DAB1: variants seen among roughly 807,000 people sequenced by gnomAD.
DAB1 encodes DAB adaptor protein 1, also known as disabled homolog 1.
DAB1 carries 15 observed loss-of-function variants against 64.6 expected under a neutral mutation model. The ratio of observed to expected loss-of-function variants is 0.23; its 90% confidence interval spans 0.16 to 0.36. The LOEUF (loss-of-function observed/expected upper bound fraction) is 0.36, where lower values mean the gene tolerates loss of function less well. Ranked by LOEUF, DAB1 falls within the 10% of genes least tolerant of loss-of-function variation. The pLI is 1.00. For synonymous variants in DAB1, 235 were observed against 251.9 expected, an observed-to-expected ratio of 0.93 and a Z score of 0.64; for missense variants, 596 against 706.7, an observed-to-expected ratio of 0.84 and a Z score of 1.78.
intron 1 of DAB1, chr1:57,867,398 C>T (rs1281489271): frequency 6.6e-6 from 1 of 152,170 alleles, no homozygotes; most frequent in Non-Finnish European, 1.5e-5. Flanking sequence ...CACTTGCCAG[C>T]CTCTGCCTGG....
chr1:57,417,039 T>C (rs1470242024), intron 1 of DAB1, among the ~76,000 whole-genome samples: 1 of 152,116 alleles, frequency 6.6e-6, no homozygotes, highest in African/African-American at 2.4e-5. Flanking sequence ...GAGAATTCAG[T>C]GGAATTGTTT....
Position 57,039,204 on chromosome 1 carries a change from C to A in DAB1, c.724-13161G>T, listed in dbSNP as rs114640979. On this transcript the variant is annotated intron_variant, in intron 9 of 14. Coordinates refer to ENST00000371236, the MANE Select transcript of DAB1 (RefSeq NM_001365792.1). ...TTATCATTTAAGCCTCAGTTTCCCC[C>A]ACTGCAAAAGAGGGATAACAATGCT... 4.2e-3 allele frequency among the ~76,000 whole-genome samples: 633 copies of A among 152,232 alleles called. 3 individuals are homozygous for A. Among genetic ancestry groups the A allele is most frequent in the African/African-American group, 0.015 (606 of 41,530 alleles).
intron 7 of DAB1, among the ~76,000 whole-genome samples, chr1:57,558,295 A>T (rs1645013601): frequency 6.6e-6 from 1 of 152,208 alleles, no homozygotes; most frequent in African/African-American, 2.4e-5. Context: ...CTGAGGCAAC[A>T]GTGATTACCT....
chr1:57,282,988 CA>C (rs1289823025), intron 2 of DAB1, among the ~76,000 whole-genome samples: 2 of 152,190 alleles, frequency 1.3e-5, no homozygotes, highest in Non-Finnish European at 2.9e-5. Flanking sequence ...CATCAAGCCA[CA>C]GGGCAAACCC....
chr1:57,646,420 C>A (rs1302871735), intron 7 of DAB1, among the ~76,000 whole-genome samples: 1 of 152,148 alleles, frequency 6.6e-6, no homozygotes, highest in Admixed American at 6.5e-5. Flanking sequence ...GCATGAAAGC[C>A]TTTGAAAGTC....
chr1:58,201,570 T>C (rs1213076716), intron 4 of DAB1, among the ~76,000 whole-genome samples: 1 of 152,186 alleles, frequency 6.6e-6, no homozygotes, highest in Non-Finnish European at 1.5e-5. Flanking sequence ...GGACCCCAAG[T>C]CTCAGGGTTT....
chr1:58,126,197 C>A (rs1653068216), intron 5 of DAB1, among the ~76,000 whole-genome samples: 1 of 152,178 alleles, frequency 6.6e-6, no homozygotes. Context: ...GGCATGGCTG[C>A]CCTGCTGTAC....
chr1:58,454,027 T>C (rs948149569), intron 3 of DAB1, among the ~76,000 whole-genome samples: 4 of 152,104 alleles, frequency 2.6e-5, no homozygotes, highest in African/African-American at 9.7e-5. Flanking sequence ...TGCTACACAC[T>C]AGCAGCAGTC....
intron 4 of DAB1, among the ~76,000 whole-genome samples, chr1:58,231,148 T>C (rs1217291872): frequency 6.6e-6 from 1 of 152,210 alleles, no homozygotes; most frequent in Non-Finnish European, 1.5e-5. Context: ...GTTGTCATTA[T>C]TGTTATCTTT....
In DAB1 at chr1:58,533,629, G is replaced by C. The variant is rs148809922; in HGVS notation, n.33-6294C>G. ...TTCCCTACAATTAATTTTCTGACTA[G>C]ATTACAAGTATATTAATAATTATAG... is the stretch of plus-strand genomic sequence containing the variant. On this transcript the variant is annotated intron_variant and non_coding_transcript_variant, in intron 1 of 20. Coordinates refer to the DAB1 transcript ENST00000485760. 1.9e-3 allele frequency among the ~76,000 whole-genome samples: 296 copies of C among 152,126 alleles called. 1 individual carries two copies. The highest frequency in any genetic ancestry group is 6.2e-3 in the African/African-American group (256 of 41,522).
chr1:57,790,220 A>C (rs1650529983), intron 6 of DAB1, among the ~76,000 whole-genome samples: 1 of 152,184 alleles, frequency 6.6e-6, no homozygotes, highest in South Asian at 2.1e-4. Context: ...ACCTAGCAGG[A>C]GGCAACTGAA....
intron 7 of DAB1, among the ~76,000 whole-genome samples, chr1:57,466,223 T>C (rs995149926): frequency 1.3e-5 from 2 of 152,168 alleles, no homozygotes; most frequent in African/African-American, 4.8e-5. Flanking sequence ...TTCAGACCAT[T>C]AAACTATCTT....
intron 6 of DAB1, among the ~76,000 whole-genome samples, chr1:57,706,892 G>T (rs1358575214): frequency 6.6e-6 from 1 of 151,866 alleles, no homozygotes; most frequent in Admixed American, 6.6e-5. Context: ...GCCCAACATG[G>T]TGAAACCCCA....
intron 5 of DAB1, among the ~76,000 whole-genome samples, chr1:58,094,026 G>A (rs1367228542): frequency 6.6e-6 from 1 of 152,170 alleles, no homozygotes; most frequent in Non-Finnish European, 1.5e-5. Flanking sequence ...GTCCTGATTG[G>A]TGGAATCTCA....
chr1:58,273,797 C>A (rs1234254047), intron 4 of DAB1, among the ~76,000 whole-genome samples: 1 of 95,470 alleles, frequency 1.0e-5, no homozygotes, highest in African/African-American at 4.2e-5. Flanking sequence ...TCCAGTTGAT[C>A]GCATCGGCTC....
chr1:57,237,946 T>C (rs1668213644), intron 2 of DAB1, among the ~76,000 whole-genome samples: 1 of 151,700 alleles, frequency 6.6e-6, no homozygotes, highest in African/African-American at 2.4e-5. Flanking sequence ...AAAAGACAAA[T>C]TGGTGGTGAA....
intron 2 of DAB1, among the ~76,000 whole-genome samples, chr1:57,240,423 G>A (rs1668413569): frequency 1.3e-5 from 2 of 152,098 alleles, no homozygotes; most frequent in South Asian, 2.1e-4. Context: ...CTAGGTATTT[G>A]GGAAAAACAG....
intron 1 of DAB1, among the ~76,000 whole-genome samples, chr1:57,839,988 A>C (rs1652977649): frequency 6.6e-6 from 1 of 152,184 alleles, no homozygotes; most frequent in African/African-American, 2.4e-5. Flanking sequence ...TCCATGTGAC[A>C]AGACTTCCTG....
At chr1:58,191,076 G>C (rs1657364202) in intron 4 of DAB1, among the ~76,000 whole-genome samples, 1 of 152,326 alleles carries the variant, frequency 6.6e-6, no homozygotes, top group South Asian at 2.1e-4. Context: ...GGAAATCAAG[G>C]AGCTTGAGGT....
Sources: allele counts gnomAD v4.1 joint callset (sites outside exome capture counted in the v4.1 genomes callset), GRCh38; gene constraint gnomAD v4.1.1; transcripts MANE v1.5; gene names NCBI Gene and HGNC (gene_info 2026-07-23, HGNC 2026-07-21).